TMEM178B: variants seen among roughly 807,000 people sequenced by gnomAD.
The protein encoded by TMEM178B is transmembrane protein 178B.
A neutral mutation model predicts 31.0 loss-of-function variants in TMEM178B; 5 were observed. The observed-to-expected ratio is 0.16, with a 90% CI of 0.08 to 0.34. The LOEUF (loss-of-function observed/expected upper bound fraction) is 0.34. Among genes scored for constraint, TMEM178B ranks in the 10% least tolerant of loss-of-function variants. The pLI, the probability that TMEM178B is intolerant of heterozygous loss-of-function variation, is 1.00. For missense variants in TMEM178B, 275 were observed against 400.3 expected, an observed-to-expected ratio of 0.69 and a Z score of 2.67; for synonymous variants, 164 against 164.0, an observed-to-expected ratio of 1.00 and a Z score of 0.00.
At chr7:141,288,869 T>C (rs2116416735) in intron 2 of TMEM178B, among the ~76,000 whole-genome samples, 1 of 152,324 alleles carries the variant, frequency 6.6e-6, no homozygotes, top group South Asian at 2.1e-4. Flanking sequence ...GACCTAGCAG[T>C]TCATTCAACC....
chr7:141,498,585 G>T, the TMEM178B span, among the ~76,000 whole-genome samples: 1 of 152,232 alleles, frequency 6.6e-6, no homozygotes, highest in Non-Finnish European at 1.5e-5. Context: ...AGCTTCCTCA[G>T]ATGAAGATAA....
intron 2 of TMEM178B, among the ~76,000 whole-genome samples, chr7:141,348,947 G>A (rs931445045): frequency 5.3e-5 from 8 of 152,242 alleles, no homozygotes; most frequent in South Asian, 2.1e-4. Flanking sequence ...GGGTAACGGC[G>A]GCAGGGTATC....
intron 1 of TMEM178B, among the ~76,000 whole-genome samples, chr7:141,196,272 T>G (rs2129185572): frequency 6.6e-6 from 1 of 152,280 alleles, no homozygotes; most frequent in African/African-American, 2.4e-5. Flanking sequence ...GGATATTTGG[T>G]TTTCACTCTT....
chr7:141,199,200 C>T (rs773957256), intron 1 of TMEM178B, among the ~76,000 whole-genome samples: 2 of 152,110 alleles, frequency 1.3e-5, no homozygotes, highest in African/African-American at 2.4e-5. Context: ...GGGGCAAAGG[C>T]ATTCAGAATG....
At chr7:141,310,664 C>T (rs547807325) in intron 2 of TMEM178B, among the ~76,000 whole-genome samples, 3 of 151,996 alleles carry the variant, frequency 2.0e-5, no homozygotes, top group Non-Finnish European at 4.4e-5. Flanking sequence ...CAGAAGCTGG[C>T]GAGGCTGTGG....
intron 2 of TMEM178B, among the ~76,000 whole-genome samples, chr7:141,355,823 T>C (rs527698494): frequency 4.3e-4 from 65 of 152,338 alleles, no homozygotes; most frequent in African/African-American, 1.5e-3. Context: ...GTGGTGAGCA[T>C]AGTACCTGAC....
intron 2 of TMEM178B, among the ~76,000 whole-genome samples, chr7:141,231,338 G>T (rs1797440592): frequency 6.6e-6 from 1 of 151,080 alleles, no homozygotes; most frequent in Admixed American, 6.6e-5. Flanking sequence ...CGACAAGGCT[G>T]CCAAGGAAGT....
rs564447605 is a variant in TMEM178B at position 141,131,544 on chromosome 7, G to A, written c.382+56852G>A. ...ATAGATTAGTTTTGCCCACTTTCGG[G>A]TTACGTATAATTGAAAACATACACT... On this transcript the variant is annotated intron_variant, in intron 1 of 3. Transcript: ENST00000565468. 9.2e-5 allele frequency among the ~76,000 whole-genome samples: 14 copies of A among 152,206 alleles called. No individual in the cohort carries two copies. In the South Asian group the frequency reaches 2.1e-3, roughly 23 times the overall value.
chr7:141,497,431 T>C, the TMEM178B span, among the ~76,000 whole-genome samples: 13 of 152,332 alleles, frequency 8.5e-5, no homozygotes, highest in African/African-American at 2.9e-4. Flanking sequence ...AGTTGTGATT[T>C]TCCGTTACTT....
At chr7:141,439,568 T>C (rs148368577) in intron 3 of TMEM178B, among the ~76,000 whole-genome samples, 43 of 152,358 alleles carry the variant, frequency 2.8e-4, no homozygotes, top group Non-Finnish European at 5.0e-4. Flanking sequence ...CCAAATCTTA[T>C]GTAGCCCCCC....
At chr7:141,144,956 C>T (rs1427675120) in intron 1 of TMEM178B, among the ~76,000 whole-genome samples, 1 of 152,142 alleles carries the variant, frequency 6.6e-6, no homozygotes, top group Non-Finnish European at 1.5e-5. Flanking sequence ...CATCCTAGCT[C>T]TAGGTTGAGG....
At chr7:141,311,812 T>C (rs190768483) in intron 2 of TMEM178B, among the ~76,000 whole-genome samples, 2 of 152,284 alleles carry the variant, frequency 1.3e-5, no homozygotes, top group East Asian at 1.9e-4. Context: ...TCTGAAGGCA[T>C]TGTGAGCTGG....
chr7:141,252,897 T>C (rs1049532210), intron 2 of TMEM178B, among the ~76,000 whole-genome samples: 4 of 152,216 alleles, frequency 2.6e-5, no homozygotes, highest in African/African-American at 9.6e-5. Context: ...CCATTCTCCT[T>C]GCCCTGTGAA....
At chr7:141,100,073 C>A (rs1795029824) in intron 1 of TMEM178B, among the ~76,000 whole-genome samples, 1 of 152,202 alleles carries the variant, frequency 6.6e-6, no homozygotes, top group Non-Finnish European at 1.5e-5. Context: ...CCCGCCTTGG[C>A]CTCCCAAAGT....
At chr7:141,441,917 G>A (rs977244858) in intron 3 of TMEM178B, among the ~76,000 whole-genome samples, 1 of 152,100 alleles carries the variant, frequency 6.6e-6, no homozygotes, top group African/African-American at 2.4e-5. Flanking sequence ...AATTAAGTAG[G>A]GCAGCTTTGC....
chr7:141,426,041 G>C (rs749732795), intron 2 of TMEM178B, among the ~76,000 whole-genome samples: 7 of 152,184 alleles, frequency 4.6e-5, no homozygotes, highest in Non-Finnish European at 7.4e-5. Flanking sequence ...GCCCCATGTT[G>C]ATGTTTTCAT....
intron 2 of TMEM178B, among the ~76,000 whole-genome samples, chr7:141,387,095 G>A (rs1039736240): frequency 3.9e-5 from 6 of 152,138 alleles, no homozygotes; most frequent in Admixed American, 3.3e-4. Flanking sequence ...GAGCTAGGCA[G>A]GCATTTCTCC....
chr7:141,464,474 C>A (rs1196615851), intron 3 of TMEM178B, among the ~76,000 whole-genome samples: 2 of 152,084 alleles, frequency 1.3e-5, no homozygotes, highest in East Asian at 3.9e-4. Context: ...ACTATTTTCA[C>A]TTCATCTTCA....
chr7:141,215,098 G>C (rs540126060), intron 2 of TMEM178B, among the ~76,000 whole-genome samples: 1 of 152,012 alleles, frequency 6.6e-6, no homozygotes, highest in Non-Finnish European at 1.5e-5. Context: ...AGGAAGTGTC[G>C]ATTTTAATTT....
Sources: gnomAD v4.1 joint callset for allele counts (sites outside exome capture counted in the v4.1 genomes callset) on GRCh38, gnomAD v4.1.1 for gene constraint, MANE v1.5 for transcripts, NCBI Gene and HGNC (gene_info 2026-07-23, HGNC 2026-07-21) for gene names.